CGNL1: variants seen among roughly 807,000 people sequenced by gnomAD.
The protein encoded by CGNL1 is cingulin-like protein 1.
A neutral mutation model predicts 141.2 loss-of-function variants in CGNL1; 132 were observed. The observed-to-expected ratio is 0.93, with a 90% CI of 0.81 to 1.08. CGNL1 has a LOEUF of 1.08. Among genes scored for constraint, CGNL1 ranks in the 50% least tolerant of loss-of-function variants. The pLI, the probability that CGNL1 is intolerant of heterozygous loss-of-function variation, is 0.00. For synonymous variants in CGNL1, 690 were observed against 622.1 expected (o/e 1.11, Z -1.63); for missense variants, 1,870 against 1,588.6 (o/e 1.18, Z -3.01).
chr15:57,465,475 C>G (rs930862107), intron 8 of CGNL1, among the ~76,000 whole-genome samples: 1 of 149,548 alleles, frequency 6.7e-6, no homozygotes, highest in African/African-American at 2.5e-5. Context: ...ATTGCAACCT[C>G]CACCTCCTGG....
intron 8 of CGNL1, among the ~76,000 whole-genome samples, chr15:57,511,013 G>GT (rs34154586): frequency 0.17 from 25,245 of 152,100 alleles, 2,515 homozygotes; most frequent in East Asian, 0.46. Context: ...GAGGACGTGG[G>GT]TTGTTTTCTG....
intron 1 of CGNL1, among the ~76,000 whole-genome samples, chr15:57,427,834 A>G (rs1417248430): frequency 6.6e-6 from 1 of 152,200 alleles, no homozygotes; most frequent in East Asian, 1.9e-4. Flanking sequence ...TGGAACATAC[A>G]TACCTTGTGA....
In CGNL1 at chr15:57,466,360, C is replaced by T. The variant is rs548787815; in HGVS notation, c.2403+4468C>T. Among the ~76,000 whole-genome samples the T allele has an allele frequency of 1.2e-4, 19 of 152,268 alleles. No homozygotes were observed. In the East Asian group the frequency reaches 3.7e-3, roughly 29 times the overall value. On this transcript the variant is annotated intron_variant, in intron 8 of 18. Coordinates refer to ENST00000281282, the MANE Select transcript of CGNL1 (RefSeq NM_032866.5). Reference sequence around the variant, plus strand: ...ACTGCCATCTGGGAGTAAAATTAACCTTGTTCACAGCCGTTGGCTTATTTT... The same window carrying T: ...ACTGCCATCTGGGAGTAAAATTAACTTTGTTCACAGCCGTTGGCTTATTTT...
rs779783831 is a variant in CGNL1, at chr15:57,481,060, TG to T, written c.2403+19172del. On this transcript the variant is annotated intron_variant, in intron 8 of 18. Coordinates refer to ENST00000281282, the MANE Select transcript of CGNL1 (RefSeq NM_032866.5). ...TCAAGCCAGTGATCCAGGAAAGACCTGGGGTTTTTTTTTTTTTTTTTTTTTT... is the reference window on the plus strand; with the variant it reads ...TCAAGCCAGTGATCCAGGAAAGACCTGGGTTTTTTTTTTTTTTTTTTTTTT... Among the ~76,000 whole-genome samples, 238 of 136,618 alleles carry T rather than the reference TG, an allele frequency of 1.7e-3. 1 individual carries two copies. The highest frequency in any genetic ancestry group is 6.0e-3 in the African/African-American group (200 of 33,204). The allele number at this position is 136,618 out of a possible 152,430, so 89.6% of individuals were successfully genotyped here.
chr15:57,450,005 G>T (rs1464055711), intron 4 of CGNL1, among the ~76,000 whole-genome samples: 4 of 152,156 alleles, frequency 2.6e-5, no homozygotes, highest in East Asian at 1.9e-4. Context: ...TATGAATAAG[G>T]CTGCTTTAAA....
At chr15:57,521,836 G>C (rs1403060995) in intron 10 of CGNL1, among the ~76,000 whole-genome samples, 1 of 152,122 alleles carries the variant, frequency 6.6e-6, no homozygotes, top group African/African-American at 2.4e-5. Context: ...AAGAGGAGGA[G>C]AAAGGCTGGG....
chr15:57,488,097 G>T (rs1013055850), intron 8 of CGNL1, among the ~76,000 whole-genome samples: 9 of 152,222 alleles, frequency 5.9e-5, no homozygotes, highest in East Asian at 3.9e-4. Flanking sequence ...AGCCATCTTC[G>T]TGGGTGTGAA....
intron 7 of CGNL1, among the ~76,000 whole-genome samples, chr15:57,457,961 A>G (rs1279240144): frequency 6.6e-6 from 1 of 152,178 alleles, no homozygotes; most frequent in Admixed American, 6.5e-5. Context: ...ACCATAGTGA[A>G]GGGAAAGGGC....
At chr15:57,444,111 C>T (rs1385323684) in intron 4 of CGNL1, among the ~76,000 whole-genome samples, 9 of 152,202 alleles carry the variant, frequency 5.9e-5, no homozygotes, top group African/African-American at 1.7e-4. Context: ...ATCAGTTACA[C>T]CCCATTCTTC....
intron 8 of CGNL1, among the ~76,000 whole-genome samples, chr15:57,516,245 G>A (rs1414874900): frequency 1.3e-5 from 2 of 151,878 alleles, no homozygotes; most frequent in African/African-American, 4.8e-5. Context: ...GAAAGCGAGG[G>A]TTATGAGGAC....
chr15:57,543,797 G>C lies in CGNL1; in HGVS notation c.3375+18G>C. The stretch of plus-strand genomic sequence containing the variant: ...AGAGGCAGGTGAGGGCAGCCAGCCT[G>C]TGAGCTGCCCCCCCGTCCATCCGCT... On this transcript the variant is annotated intron_variant, in intron 15 of 18. Coordinates refer to ENST00000281282, the MANE Select transcript of CGNL1 (RefSeq NM_032866.5). 1 of 1,598,376 alleles carries C rather than the reference G, an allele frequency of 6.3e-7. No homozygotes were observed. The highest frequency in any genetic ancestry group is 8.6e-7 in the Non-Finnish European group (1 of 1,166,038).
chr15:57,474,274 C>G (rs968740939), intron 8 of CGNL1, among the ~76,000 whole-genome samples: 2 of 152,064 alleles, frequency 1.3e-5, no homozygotes, highest in Non-Finnish European at 1.5e-5. Context: ...TCACTTTAGG[C>G]TGCTAAGTTT....
intron 8 of CGNL1, among the ~76,000 whole-genome samples, chr15:57,472,680 A>G (rs1483694264): frequency 6.6e-6 from 1 of 152,152 alleles, no homozygotes; most frequent in African/African-American, 2.4e-5. Context: ...AGGGATGGGA[A>G]TAGGATTATG....
chr15:57,441,388 G>C (rs2063185402), intron 3 of CGNL1, among the ~76,000 whole-genome samples: 1 of 150,680 alleles, frequency 6.6e-6, no homozygotes, highest in Non-Finnish European at 1.5e-5. Flanking sequence ...TTATTTTTTG[G>C]GACAGAGTCT....
chr15:57,397,271 A>T (rs2062613100), intron 1 of CGNL1, among the ~76,000 whole-genome samples: 1 of 152,292 alleles, frequency 6.6e-6, no homozygotes, highest in Admixed American at 6.5e-5. Context: ...GCCTTGAAGT[A>T]GAGAGCCAAT....
chr15:57,390,401 G>T (rs181972062), intron 1 of CGNL1, among the ~76,000 whole-genome samples: 9 of 152,356 alleles, frequency 5.9e-5, no homozygotes, highest in African/African-American at 2.2e-4. Context: ...CCCACTGTCA[G>T]TTCTGCCAAG....
Position 57,524,720 on chromosome 15 carries a change from C to G in CGNL1, c.3008C>G (p.Ser1003Cys). 6.2e-7 allele frequency: 1 copy of G among 1,614,162 alleles called. No individual in the cohort carries two copies. Among genetic ancestry groups the G allele is most frequent in the Non-Finnish European group, 8.5e-7 (1 of 1,180,020 alleles). The change falls in exon 12 of 19, where the codon TCC becomes TGC. Residue 1003 changes from serine (S) to cysteine (C), a missense_variant. Physicochemically the swap from Ser to Cys is moderately radical, Grantham distance 112. Transcript: ENST00000281282. ...LKEKTLEAEK[S>C]RLTAMKMQDE... is the part of the protein sequence containing the mutation. ...GAGAAAACGCTGGAGGCAGAAAAGT[C>G]CCGACTGACAGCCATGAAAATGCAG...
At chr15:57,463,002 A>T (rs1169025899) in intron 8 of CGNL1, among the ~76,000 whole-genome samples, 1 of 152,000 alleles carries the variant, frequency 6.6e-6, no homozygotes, top group Non-Finnish European at 1.5e-5. Context: ...TATCCTTGTG[A>T]TCTATCTTTA....
At chr15:57,455,234 T>C (rs528606411) in intron 7 of CGNL1, among the ~76,000 whole-genome samples, 134 of 152,218 alleles carry the variant, frequency 8.8e-4, no homozygotes, top group Non-Finnish European at 1.3e-3. Flanking sequence ...ATTTATACTT[T>C]TACTACTTTA....
Sources: allele counts gnomAD v4.1 joint callset (sites outside exome capture counted in the v4.1 genomes callset), GRCh38; gene constraint gnomAD v4.1.1; transcripts MANE v1.5; gene names NCBI Gene and HGNC (gene_info 2026-07-23, HGNC 2026-07-21).